Variants in MEF2D observed in about 807,000 individuals in gnomAD.
MEF2D encodes the protein myocyte-specific enhancer factor 2D.
In MEF2D, 10 loss-of-function variants were observed where a neutral mutation model predicts 59.3. The ratio of observed to expected loss-of-function variants is 0.17; its 90% CI spans 0.10 to 0.29. MEF2D has a LOEUF of 0.29. MEF2D is among the 10% of genes least tolerant of loss of function. MEF2D has a pLI of 1.00. For missense variants in MEF2D, 508 were observed against 699.4 expected (o/e 0.73, Z 3.09); for synonymous variants, 305 against 295.0 (o/e 1.03, Z -0.35).
At chr1:156,491,032 C>T (rs538160106) in intron 1 of MEF2D, among the ~76,000 whole-genome samples, 25 of 152,298 alleles carry the variant, frequency 1.6e-4, no homozygotes, top group Non-Finnish European at 2.9e-4. Context: ...GTAACCACCC[C>T]GCACCCCCAC....
intron 4 of MEF2D, 136 bp from the exon 5 acceptor site, chr1:156,479,932 C>T (rs1557885285): frequency 4.9e-6 from 4 of 811,100 alleles, no homozygotes; most frequent in Non-Finnish European, 7.7e-6. Flanking sequence ...AAGCTCCCTG[C>T]CCTGTGCCCT....
At chr1:156,481,066 T>G in intron 3 of MEF2D, 95 bp from the exon 4 acceptor site, 1 of 1,546,976 alleles carries the variant, frequency 6.5e-7, no homozygotes, top group Non-Finnish European at 8.8e-7. Flanking sequence ...CCCCTACTCT[T>G]CCCCGACCTC....
intron 1 of MEF2D, chr1:156,499,656 C>G (rs1393904474): frequency 6.6e-6 from 1 of 152,250 alleles, no homozygotes; most frequent in East Asian, 1.9e-4. Context: ...TCCCTAAACC[C>G]CCGCTCGCAG....
chr1:156,477,436 A>T (rs1455979210), intron 6 of MEF2D, among the ~76,000 whole-genome samples: 3 of 152,154 alleles, frequency 2.0e-5, no homozygotes, highest in Admixed American at 2.0e-4. Context: ...TCCAAGCTAC[A>T]TGTGATAGGG....
chr1:156,494,484 G>A (rs577450951), intron 1 of MEF2D, among the ~76,000 whole-genome samples: 3 of 152,202 alleles, frequency 2.0e-5, no homozygotes, highest in African/African-American at 4.8e-5. Context: ...GCTGGATGGG[G>A]AGGGGAGGGC....
intron 1 of MEF2D, among the ~76,000 whole-genome samples, chr1:156,492,718 T>A (rs1672883291): frequency 1.3e-5 from 2 of 152,072 alleles, no homozygotes; most frequent in South Asian, 4.2e-4. Flanking sequence ...GTGGGGGCGG[T>A]TGGGACGGTT....
At chr1:156,469,547 C>T (rs907608683) in intron 9 of MEF2D, among the ~76,000 whole-genome samples, 2 of 151,058 alleles carry the variant, frequency 1.3e-5, no homozygotes, top group East Asian at 1.9e-4. Flanking sequence ...CATGAGCCAC[C>T]GCATCCGACC....
chr1:156,500,163 G>A (rs868066367), intron 1 of MEF2D, among the ~76,000 whole-genome samples: 4 of 152,090 alleles, frequency 2.6e-5, no homozygotes, highest in Middle Eastern at 3.4e-3. Context: ...CAGACCGCTC[G>A]GAGGCCGTCG....
intron 1 of MEF2D, among the ~76,000 whole-genome samples, chr1:156,495,099 C>T (rs1673051874): frequency 6.6e-6 from 1 of 152,202 alleles, no homozygotes; most frequent in African/African-American, 2.4e-5. Context: ...CCCTCACACC[C>T]TTGCTTTGGG....
Position 156,476,475 on chromosome 1 carries a change from A to G in MEF2D, c.876+19T>C. 1 of 1,611,118 alleles carries G rather than the reference A, an allele frequency of 6.2e-7. No homozygotes were observed. Among genetic ancestry groups the G allele is most frequent in the Non-Finnish European group, 8.5e-7 (1 of 1,178,722 alleles). On this transcript the variant is annotated intron_variant, in intron 8 of 11. Transcript: ENST00000348159. Reference sequence around the variant, plus strand: ...CCCAGAATTCAAAGCCACAGCAAAGAGCTCACAGCCTCACTTACCAGATCT... The same window carrying G: ...CCCAGAATTCAAAGCCACAGCAAAGGGCTCACAGCCTCACTTACCAGATCT...
intron 1 of MEF2D, among the ~76,000 whole-genome samples, chr1:156,498,274 G>A (rs1673260760): frequency 6.6e-6 from 1 of 152,062 alleles, no homozygotes; most frequent in Non-Finnish European, 1.5e-5. Context: ...GGTGGACACG[G>A]ACAGCACCTG....
intron 4 of MEF2D, among the ~76,000 whole-genome samples, chr1:156,480,017 T>C (rs569466676): frequency 5.3e-5 from 8 of 152,250 alleles, no homozygotes; most frequent in Admixed American, 2.6e-4. Context: ...CTGGGTCCAT[T>C]TCTGGCCCAC....
chr1:156,476,625 C>G, intron 7 of MEF2D, 111 bp from the exon 8 acceptor site: 1 of 1,335,750 alleles, frequency 7.5e-7, no homozygotes, highest in Non-Finnish European at 1.1e-6. Flanking sequence ...AGTAGGGTGG[C>G]TCTACCCAGC....
At chr1:156,493,705 A>G (rs1398721976) in intron 1 of MEF2D, among the ~76,000 whole-genome samples, 1 of 152,114 alleles carries the variant, frequency 6.6e-6, no homozygotes, top group Non-Finnish European at 1.5e-5. Flanking sequence ...TTTTGCCAGC[A>G]AGGACCTCTG....
intron 3 of MEF2D, 29 bp from the exon 4 acceptor site, chr1:156,481,000 G>A (rs769454248): frequency 6.2e-6 from 10 of 1,610,846 alleles, no homozygotes; most frequent in Non-Finnish European, 8.5e-6. Flanking sequence ...CATCAGCTGG[G>A]TGAGAGTCCT....
At position 156,477,076 on chromosome 1, in the gene MEF2D, G is replaced by A. The variant is rs1671663738; in HGVS notation, c.791C>T (p.Pro264Leu). Residue 264 changes from proline (P) to leucine (L), a missense_variant, in exon 7 of 12, where the codon CCC (proline) becomes CTC (leucine). Pro to Leu is a moderately conservative substitution (Grantham distance 98). Coordinates refer to ENST00000348159, the MANE Select transcript of MEF2D (RefSeq NM_005920.4). ...PPTHSTQLGAPSRKPDLRVIT... is the reference protein window; with the variant it reads ...PPTHSTQLGALSRKPDLRVIT... ...GACTCGCAGGTCGGGCTTGCGGCTG[G>A]GGGCTCCAAGCTGGGTGCTGTGGGT... The A allele has an allele frequency of 6.2e-7, 1 of 1,613,948 alleles. No individual in the cohort carries two copies. The highest frequency in any genetic ancestry group is 1.1e-5 in the South Asian group (1 of 91,074).
At position 156,476,969 on chromosome 1, in the gene MEF2D, T is replaced by C. The variant is rs190922047; in HGVS notation, c.855+43A>G. The C allele has an allele frequency of 3.6e-4, 585 of 1,609,684 alleles. 1 individual carries two copies. In the African/African-American group the frequency reaches 6.7e-3, roughly 18 times the overall value. On this transcript the variant is annotated intron_variant, in intron 7 of 11. Coordinates refer to ENST00000348159, the MANE Select transcript of MEF2D (RefSeq NM_005920.4). ...TCTGCTCTTTCCCCTGTCCCTACTC[T>C]TCCATTCCCCAGCCCCCACCCTTGG...
chr1:156,491,524 G>T (rs1265177391), intron 1 of MEF2D, among the ~76,000 whole-genome samples: 1 of 152,204 alleles, frequency 6.6e-6, no homozygotes, highest in South Asian at 2.1e-4. Flanking sequence ...CCCAACAGAT[G>T]GCCAAGGGTT....
chr1:156,493,964 G>A (rs1672975384), intron 1 of MEF2D, among the ~76,000 whole-genome samples: 1 of 152,112 alleles, frequency 6.6e-6, no homozygotes, highest in African/African-American at 2.4e-5. Context: ...CAGCCATCAT[G>A]GGCCCCAGAG....
Sources: gnomAD v4.1 joint callset for allele counts (sites outside exome capture counted in the v4.1 genomes callset) on GRCh38, gnomAD v4.1.1 for gene constraint, MANE v1.5 for transcripts, NCBI Gene and HGNC (gene_info 2026-07-23, HGNC 2026-07-21) for gene names.